Variants in ANKIB1 observed in about 807,000 individuals in gnomAD.
ANKIB1 encodes the protein ankyrin repeat and IBR domain-containing protein 1.
Under a neutral mutation model 122.1 loss-of-function variants are expected in ANKIB1, and 43 were observed. That is an observed-to-expected ratio of 0.35 (90% CI 0.28 to 0.45). The LOEUF is 0.45. Among genes scored for constraint, ANKIB1 ranks in the 20% least tolerant of loss-of-function variants. The pLI, the probability that ANKIB1 is intolerant of heterozygous loss-of-function variation, is 1.00. For missense variants in ANKIB1, 992 were observed against 1,329.5 expected (o/e 0.75, Z 3.95); for synonymous variants, 390 against 442.0 (o/e 0.88, Z 1.48).
chr7:92,248,888 C>CTTTTTT (rs778549860), intron 1 of ANKIB1, among the ~76,000 whole-genome samples: 21 of 123,016 alleles, frequency 1.7e-4, no homozygotes, highest in East Asian at 1.6e-3. Flanking sequence ...TCTTTTCTTT[C>CTTTTTT]TTTTTTTTTT....
intron 1 of ANKIB1, among the ~76,000 whole-genome samples, chr7:92,251,859 C>G (rs1415590352): frequency 6.6e-6 from 1 of 152,182 alleles, no homozygotes; most frequent in East Asian, 1.9e-4. Context: ...ACTATGCCAA[C>G]AATATCTCTT....
At chr7:92,331,323 A>C (rs1453898731) in intron 5 of ANKIB1, among the ~76,000 whole-genome samples, 1 of 148,678 alleles carries the variant, frequency 6.7e-6, no homozygotes, top group Admixed American at 6.8e-5. Flanking sequence ...GCTGGAGTGC[A>C]GTAGCACAAT....
chr7:92,304,638 TTC>T (rs539548907), intron 2 of ANKIB1, among the ~76,000 whole-genome samples: 104 of 152,302 alleles, frequency 6.8e-4, no homozygotes, highest in African/African-American at 2.4e-3. Flanking sequence ...CTTTAATAAT[TTC>T]TTTCTTAATT....
intron 5 of ANKIB1, among the ~76,000 whole-genome samples, chr7:92,337,011 TA>T (rs1803305152): frequency 6.6e-6 from 1 of 152,246 alleles, no homozygotes; most frequent in Admixed American, 6.5e-5. Flanking sequence ...AGGGCTATCC[TA>T]TCATTTGTAA....
chr7:92,309,942 A>AAAAAATATATATAT (rs1335765681), intron 3 of ANKIB1, among the ~76,000 whole-genome samples: 7 of 91,812 alleles, frequency 7.6e-5, no homozygotes, highest in African/African-American at 3.4e-4. Flanking sequence ...AAAAAAAAAA[A>AAAAAATATATATAT]ATATATATAT....
chr7:92,388,584 A>G (rs866928746), intron 14 of ANKIB1, among the ~76,000 whole-genome samples: 17 of 152,228 alleles, frequency 1.1e-4, no homozygotes, highest in Middle Eastern at 3.2e-3. Context: ...AATATTCCAA[A>G]ATATGGATTG....
At chr7:92,261,697 T>A (rs1801568970) in intron 1 of ANKIB1, among the ~76,000 whole-genome samples, 1 of 152,226 alleles carries the variant, frequency 6.6e-6, no homozygotes, top group Non-Finnish European at 1.5e-5. Context: ...ATTTTAGTAT[T>A]TTTGTGTAGC....
At chr7:92,342,872 A>T (rs1803466370) in intron 5 of ANKIB1, among the ~76,000 whole-genome samples, 152 bp from the exon 6 acceptor site, 3 of 152,252 alleles carry the variant, frequency 2.0e-5, no homozygotes, top group African/African-American at 7.2e-5. Context: ...TAACAAGAAC[A>T]TACCTAGACA....
At chr7:92,284,108 A>G (rs1802065705) in intron 1 of ANKIB1, among the ~76,000 whole-genome samples, 2 of 152,312 alleles carry the variant, frequency 1.3e-5, no homozygotes, top group East Asian at 1.9e-4. Context: ...ACAGGTTAAC[A>G]TTTCAATATA....
chr7:92,264,254 T>A (rs1360709908), intron 1 of ANKIB1, among the ~76,000 whole-genome samples: 1 of 151,840 alleles, frequency 6.6e-6, no homozygotes, highest in East Asian at 1.9e-4. Flanking sequence ...AGTTACATGT[T>A]TAAAAAAATA....
At chr7:92,390,139 T>G in intron 15 of ANKIB1, 23 bp downstream of exon 15, 1 of 1,516,874 alleles carries the variant, frequency 6.6e-7, no homozygotes, top group Non-Finnish European at 8.9e-7. Flanking sequence ...TAATTACATT[T>G]AAATGGCAGC....
rs564590661 is a variant in ANKIB1 at position 92,396,397 on chromosome 7, C to T, written c.2316C>T (p.His772=). ...CTGAATTTCAGTATCGGAGGAGGCACAGACAACGTCGTCGAGGAGATGTTC... is the reference window on the plus strand; with the variant it reads ...CTGAATTTCAGTATCGGAGGAGGCATAGACAACGTCGTCGAGGAGATGTTC... ...EYAEFQYRRR[H]RQRRRGDVHS... The change falls in exon 18 of 20, where the codon CAC becomes CAT. Residue 772 remains histidine (H), a synonymous_variant. Transcript: ENST00000265742. 2.5e-6 allele frequency: 4 copies of T among 1,596,006 alleles called. No individual in the cohort carries two copies. In the Admixed American group the frequency reaches 5.2e-5, roughly 21 times the overall value.
At chr7:92,374,022 A>G (rs757789471) in intron 11 of ANKIB1, among the ~76,000 whole-genome samples, 1 of 152,212 alleles carries the variant, frequency 6.6e-6, no homozygotes, top group Non-Finnish European at 1.5e-5. Flanking sequence ...TGTTCATTAT[A>G]TATTCAAACT....
rs563768368 is a variant in ANKIB1 at position 92,324,024 on chromosome 7, A to C, written c.670-3759A>C. Among the ~76,000 whole-genome samples, 9 of 152,352 alleles carry C rather than the reference A, an allele frequency of 5.9e-5. No homozygotes were observed. The South Asian group carries it at 1.9e-3, about 32-fold the overall frequency. ...GTGATGCTCAGGCAAGAACAGCTGA[A>C]TAAGGAGCGAGAAAACTAAAATGCC... On this transcript the variant is annotated intron_variant, in intron 4 of 19. Coordinates refer to ENST00000265742, the MANE Select transcript of ANKIB1 (RefSeq NM_019004.2).
At chr7:92,328,179 G>A (rs146087806) in intron 5 of ANKIB1, among the ~76,000 whole-genome samples, 446 of 152,246 alleles carry the variant, frequency 2.9e-3, no homozygotes, top group Non-Finnish European at 5.0e-3. Flanking sequence ...TTAGAAATAT[G>A]TCTAATTTGA....
At chr7:92,279,464 A>G (rs1801975673) in intron 1 of ANKIB1, among the ~76,000 whole-genome samples, 1 of 152,222 alleles carries the variant, frequency 6.6e-6, no homozygotes, top group African/African-American at 2.4e-5. Flanking sequence ...ATCAGAGAAT[A>G]AGTCCTTTCC....
chr7:92,314,330 G>C (rs1419823375), intron 3 of ANKIB1, among the ~76,000 whole-genome samples: 1 of 152,018 alleles, frequency 6.6e-6, no homozygotes, highest in African/African-American at 2.4e-5. Flanking sequence ...TTTTTAATCG[G>C]AGAGTGATAT....
intron 1 of ANKIB1, among the ~76,000 whole-genome samples, chr7:92,275,337 C>G (rs917840231): frequency 5.3e-5 from 8 of 152,080 alleles, no homozygotes; most frequent in African/African-American, 1.9e-4. Context: ...TGATGTAAGT[C>G]TACTTTGAAT....
chr7:92,381,710 C>T (rs994303793), intron 11 of ANKIB1, among the ~76,000 whole-genome samples: 4 of 152,142 alleles, frequency 2.6e-5, no homozygotes, highest in Admixed American at 1.3e-4. Flanking sequence ...TTGTCACCAC[C>T]AGACCTGCCT....
Sources: allele counts gnomAD v4.1 joint callset (sites outside exome capture counted in the v4.1 genomes callset), GRCh38; gene constraint gnomAD v4.1.1; transcripts MANE v1.5; gene names NCBI Gene and HGNC (gene_info 2026-07-23, HGNC 2026-07-21).